The following GPC5 variants were observed in gnomAD, a reference collection of about 807,000 sequenced individuals.
GPC5 encodes the protein glypican 5.
GPC5 carries 47 observed loss-of-function variants against 53.9 expected under a neutral mutation model. That is an observed-to-expected ratio of 0.87 (90% confidence interval 0.69 to 1.11). GPC5 has a LOEUF of 1.11. Among genes scored for constraint, GPC5 ranks in the 50% most tolerant of loss-of-function variants. The probability of loss-of-function intolerance (pLI) is 0.00; values close to 1 mark genes in which losing one functional copy is unlikely to be tolerated. For missense variants in GPC5, 748 were observed against 713.1 expected, an observed-to-expected ratio of 1.05 and a Z score of -0.56; for synonymous variants, 286 against 263.3, an observed-to-expected ratio of 1.09 and a Z score of -0.84.
chr13:92,744,811 A>T (rs1350155051), intron 7 of GPC5, among the ~76,000 whole-genome samples: 2 of 152,052 alleles, frequency 1.3e-5, no homozygotes, highest in Admixed American at 1.3e-4. Context: ...ATGAAAATAT[A>T]GTGTAAGTTT....
intron 7 of GPC5, among the ~76,000 whole-genome samples, chr13:92,609,243 T>C (rs1285899365): frequency 6.6e-6 from 1 of 152,126 alleles, no homozygotes; most frequent in Non-Finnish European, 1.5e-5. Context: ...ATAGTAGGTA[T>C]TTAATAAGTG....
chr13:92,580,914 G>A (rs553398139), intron 7 of GPC5, among the ~76,000 whole-genome samples: 6 of 152,012 alleles, frequency 3.9e-5, no homozygotes, highest in African/African-American at 7.2e-5. Context: ...ATGCATATAC[G>A]TATCTACAGA....
intron 7 of GPC5, among the ~76,000 whole-genome samples, chr13:92,156,063 G>A (rs1425645999): frequency 6.6e-6 from 1 of 152,096 alleles, no homozygotes; most frequent in Non-Finnish European, 1.5e-5. Context: ...TAAATCTACT[G>A]AGTTTCCTGT....
chr13:92,819,774 A>T (rs1329504198), intron 7 of GPC5, among the ~76,000 whole-genome samples: 3 of 152,198 alleles, frequency 2.0e-5, no homozygotes, highest in African/African-American at 7.2e-5. Context: ...TTTGGGGGGT[A>T]GAGGAGGAAT....
intron 7 of GPC5, among the ~76,000 whole-genome samples, chr13:92,772,822 T>C (rs1029820451): frequency 2.6e-5 from 4 of 152,216 alleles, no homozygotes; most frequent in Admixed American, 6.5e-5. Context: ...CAGTTAAGAA[T>C]TTCTTTTCCT....
intron 7 of GPC5, among the ~76,000 whole-genome samples, chr13:92,287,853 A>T (rs9523593): frequency 0.086 from 13,011 of 151,852 alleles, 616 homozygotes; most frequent in Middle Eastern, 0.12. Flanking sequence ...TATTTTTTTC[A>T]GCTCCTTTTT....
At chr13:92,650,014 C>A (rs2139164257) in intron 7 of GPC5, among the ~76,000 whole-genome samples, 1 of 152,176 alleles carries the variant, frequency 6.6e-6, no homozygotes, top group South Asian at 2.1e-4. Flanking sequence ...AATATAAAGA[C>A]TCAATGTTGA....
chr13:92,334,469 T>G (rs902185380), intron 7 of GPC5, among the ~76,000 whole-genome samples: 1 of 152,114 alleles, frequency 6.6e-6, no homozygotes, highest in African/African-American at 2.4e-5. Flanking sequence ...CCAAACCATA[T>G]CATTCTGCCC....
At chr13:92,407,582 C>A (rs1875849296) in intron 7 of GPC5, among the ~76,000 whole-genome samples, 1 of 152,118 alleles carries the variant, frequency 6.6e-6, no homozygotes, top group Admixed American at 6.5e-5. Flanking sequence ...CACAATAACG[C>A]TTTTTCTCTA....
chr13:92,652,848 T>C (rs1276170692), intron 7 of GPC5, among the ~76,000 whole-genome samples: 1 of 152,132 alleles, frequency 6.6e-6, no homozygotes, highest in African/African-American at 2.4e-5. Context: ...TAAAAGAGTC[T>C]CAGTGTGTCT....
chr13:92,771,722 T>G (rs953311932), intron 7 of GPC5, among the ~76,000 whole-genome samples: 6 of 152,086 alleles, frequency 3.9e-5, no homozygotes, highest in Admixed American at 2.0e-4. Context: ...TCAACCATAT[T>G]TACCTCTCCA....
At chr13:92,818,045 C>T (rs1877541201) in intron 7 of GPC5, among the ~76,000 whole-genome samples, 1 of 148,170 alleles carries the variant, frequency 6.7e-6, no homozygotes, top group African/African-American at 2.5e-5. Context: ...TGGAGTCTCG[C>T]TCCGTCACCT....
intron 7 of GPC5, among the ~76,000 whole-genome samples, chr13:92,586,963 C>T (rs1446929459): frequency 4.9e-5 from 3 of 61,012 alleles, no homozygotes; most frequent in South Asian, 6.0e-4. Context: ...CACACACACA[C>T]GCGCACACAC....
intron 6 of GPC5, among the ~76,000 whole-genome samples, chr13:92,054,544 C>T (rs1594745714): frequency 6.6e-6 from 1 of 152,182 alleles, no homozygotes; most frequent in African/African-American, 2.4e-5. Flanking sequence ...TAAAATGAAG[C>T]TTACAGGATG....
intron 7 of GPC5, among the ~76,000 whole-genome samples, chr13:92,635,657 A>G (rs1885385523): frequency 6.6e-6 from 1 of 152,202 alleles, no homozygotes; most frequent in South Asian, 2.1e-4. Flanking sequence ...TTTGGGAGAA[A>G]AATTCACACT....
intron 7 of GPC5, among the ~76,000 whole-genome samples, chr13:92,803,337 A>C (rs1021122777): frequency 1.3e-5 from 2 of 151,948 alleles, no homozygotes; most frequent in East Asian, 3.9e-4. Context: ...ATCTCAAAGC[A>C]TAAATTCACC....
At chr13:91,803,650 ATTAAGT>A (rs2038171037) in intron 5 of GPC5, among the ~76,000 whole-genome samples, 1 of 152,156 alleles carries the variant, frequency 6.6e-6, no homozygotes, top group African/African-American at 2.4e-5. Context: ...AGATTGTTAC[ATTAAGT>A]TTAACAATTG....
Position 91,689,152 on chromosome 13 carries a change from G to A in GPC5, c.326-4035G>A, listed in dbSNP as rs1489678414. Among the ~76,000 whole-genome samples the A allele has an allele frequency of 2.2e-5, 3 of 138,008 alleles. No homozygotes were observed. In the East Asian group the frequency reaches 6.4e-4, roughly 29 times the overall value. The allele number at this position is 138,008 out of a possible 152,430, so 90.5% of individuals were successfully genotyped here. A position where few individuals can be genotyped will look rare whatever the true frequency, so the allele number is the denominator to read the frequency against. On this transcript the variant is annotated intron_variant, in intron 2 of 7. Coordinates refer to ENST00000377067, the MANE Select transcript of GPC5 (RefSeq NM_004466.6). ...GCATCACACTGCAGCCTAGGTGATG[G>A]AGCAAAATGTTGTCTCAAAAAATCA...
intron 7 of GPC5, among the ~76,000 whole-genome samples, chr13:92,826,230 C>G (rs1877842479): frequency 6.6e-6 from 1 of 152,040 alleles, no homozygotes; most frequent in African/African-American, 2.4e-5. Flanking sequence ...TTGAATTACT[C>G]AAAAGGGAGA....
Sources: allele counts gnomAD v4.1 joint callset (sites outside exome capture counted in the v4.1 genomes callset), GRCh38; gene constraint gnomAD v4.1.1; transcripts MANE v1.5; gene names NCBI Gene and HGNC (gene_info 2026-07-23, HGNC 2026-07-21).